Variants in ERC2 observed in about 807,000 individuals in gnomAD.
ERC2 encodes ERC protein 2.
Under a neutral mutation model 114.8 loss-of-function variants are expected in ERC2, and 42 were observed. The observed-to-expected ratio is 0.37, with a 90% CI of 0.29 to 0.47. ERC2 has a LOEUF of 0.47. ERC2 is among the 20% of genes least tolerant of loss of function. ERC2 has a pLI of 0.99. For missense variants in ERC2, 939 were observed against 1,150.7 expected (o/e 0.82, Z 2.66); for synonymous variants, 454 against 425.5 (o/e 1.07, Z -0.82).
intron 10 of ERC2, among the ~76,000 whole-genome samples, chr3:55,999,643 TA>T: frequency 6.6e-6 from 1 of 151,818 alleles, no homozygotes. Context: ...AATAGCAACC[TA>T]AAAATTAAAT....
At chr3:56,334,217 G>C (rs1192191719) in intron 2 of ERC2, among the ~76,000 whole-genome samples, 1 of 152,210 alleles carries the variant, frequency 6.6e-6, no homozygotes, top group Non-Finnish European at 1.5e-5. Context: ...GCATCTGGGG[G>C]CCACCTCCTC....
chr3:55,720,208 CTTCTTCTTCTTCTTCTTCTTCTTCT>C (rs2064428464), intron 15 of ERC2, among the ~76,000 whole-genome samples: 1 of 18,974 alleles, frequency 5.3e-5, no homozygotes, highest in Non-Finnish European at 8.6e-5. Flanking sequence ...TCTTCTTCTT[CTTCTTCTTCTTCTTCTTCTTCTTCT>C]TCTTCTTCTC....
chr3:56,072,579 C>T (rs909382563), intron 7 of ERC2, among the ~76,000 whole-genome samples: 1 of 152,114 alleles, frequency 6.6e-6, no homozygotes, highest in African/African-American at 2.4e-5. Context: ...TTAGTTAAAT[C>T]TACATTCAAT....
chr3:56,313,023 T>TATATATAC (rs2056677706), intron 2 of ERC2, among the ~76,000 whole-genome samples: 1 of 128,146 alleles, frequency 7.8e-6, no homozygotes, highest in African/African-American at 2.8e-5. Flanking sequence ...TATATATATA[T>TATATATAC]ATATATATAT....
chr3:55,531,432 C>T (rs1028957208), intron 17 of ERC2, among the ~76,000 whole-genome samples: 10 of 152,126 alleles, frequency 6.6e-5, no homozygotes, highest in Admixed American at 6.5e-4. Flanking sequence ...CCCTCCCTTG[C>T]CCCTGAACAT....
chr3:56,117,378 T>A, intron 6 of ERC2, among the ~76,000 whole-genome samples: 1 of 152,226 alleles, frequency 6.6e-6, no homozygotes, highest in East Asian at 1.9e-4. Context: ...TTTTACATAA[T>A]CCTCCACAGG....
chr3:56,010,305 T>C, intron 9 of ERC2, 144 bp downstream of exon 9: 2 of 1,008,994 alleles, frequency 2.0e-6, no homozygotes, highest in Non-Finnish European at 2.8e-6. Flanking sequence ...TCCTTTAAAT[T>C]CAGGCAGCTT....
At chr3:56,258,286 A>G (rs925698104) in intron 3 of ERC2, among the ~76,000 whole-genome samples, 2 of 152,164 alleles carry the variant, frequency 1.3e-5, no homozygotes, top group Non-Finnish European at 2.9e-5. Flanking sequence ...TCTCTGTCAC[A>G]GCTACTCAGC....
intron 17 of ERC2, among the ~76,000 whole-genome samples, chr3:55,628,150 C>T (rs942150496): frequency 6.0e-5 from 4 of 66,624 alleles, no homozygotes; most frequent in Non-Finnish European, 1.1e-4. Flanking sequence ...ATCTTTTCTC[C>T]TTCCTTTTTC....
intron 17 of ERC2, among the ~76,000 whole-genome samples, chr3:55,531,911 C>T (rs1049100197): frequency 6.6e-6 from 1 of 152,224 alleles, no homozygotes; most frequent in Non-Finnish European, 1.5e-5. Context: ...GAATGAAAGC[C>T]TTGGCAGTTT....
At chr3:55,568,119 A>C (rs2056487457) in intron 17 of ERC2, among the ~76,000 whole-genome samples, 1 of 152,116 alleles carries the variant, frequency 6.6e-6, no homozygotes, top group Non-Finnish European at 1.5e-5. Context: ...TGCTCATTAC[A>C]AGTGTATAGG....
intron 3 of ERC2, among the ~76,000 whole-genome samples, chr3:56,285,672 A>G (rs1201526010): frequency 6.6e-6 from 1 of 152,208 alleles, no homozygotes; most frequent in African/African-American, 2.4e-5. Flanking sequence ...TTAGCTGAGT[A>G]AGACCAGTGT....
chr3:55,780,398 CCTGCA>C (rs1475904569), intron 14 of ERC2, among the ~76,000 whole-genome samples: 2 of 152,130 alleles, frequency 1.3e-5, no homozygotes, highest in African/African-American at 4.8e-5. Context: ...TCTACGTCAA[CCTGCA>C]CTGCCAGTTA....
chr3:56,156,913 C>T (rs1231830029), intron 4 of ERC2, among the ~76,000 whole-genome samples: 1 of 152,078 alleles, frequency 6.6e-6, no homozygotes, highest in Admixed American at 6.5e-5. Flanking sequence ...TATTTGTAAG[C>T]TCCTCAGCTT....
At chr3:56,200,462 A>G (rs755380586) in intron 3 of ERC2, among the ~76,000 whole-genome samples, 5 of 152,132 alleles carry the variant, frequency 3.3e-5, no homozygotes, top group Non-Finnish European at 4.4e-5. Context: ...CCCTCACCCA[A>G]CTGTGAATCA....
intron 6 of ERC2, among the ~76,000 whole-genome samples, chr3:56,088,982 G>A (rs1192258162): frequency 6.6e-6 from 1 of 152,138 alleles, no homozygotes; most frequent in East Asian, 1.9e-4. Flanking sequence ...CAGGAAGAGT[G>A]GAGAACCAGC....
chr3:55,553,018 T>TTTTTTTTTTTTTTTTTTTTTC (rs2055332918), intron 17 of ERC2, among the ~76,000 whole-genome samples: 1 of 81,756 alleles, frequency 1.2e-5, no homozygotes, highest in African/African-American at 5.2e-5. Context: ...CAGATTTTTT[T>TTTTTTTTTTTTTTTTTTTTTC]TTTTTTTTTT....
chr3:56,215,600 C>G (rs1206192614), intron 3 of ERC2, among the ~76,000 whole-genome samples: 1 of 152,132 alleles, frequency 6.6e-6, no homozygotes, highest in African/African-American at 2.4e-5. Flanking sequence ...AGAAAGTTAA[C>G]AAGGATATCC....
intron 15 of ERC2, among the ~76,000 whole-genome samples, chr3:55,712,572 C>T (rs1045340268): frequency 6.6e-6 from 1 of 152,150 alleles, no homozygotes; most frequent in Non-Finnish European, 1.5e-5. Flanking sequence ...TCTAATACAA[C>T]CTGCTTTCCC....
Sources: allele counts gnomAD v4.1 joint callset (sites outside exome capture counted in the v4.1 genomes callset), GRCh38; gene constraint gnomAD v4.1.1; transcripts MANE v1.5; gene names NCBI Gene and HGNC (gene_info 2026-07-23, HGNC 2026-07-21).